ALKAL1: variants seen among roughly 807,000 people sequenced by gnomAD.
ALKAL1 encodes the protein ALK and LTK ligand 1.
ALKAL1 carries 23 observed loss-of-function variants against 13.5 expected under a neutral mutation model. That is an observed-to-expected ratio of 1.70 (90% CI 1.23 to 2.41). ALKAL1 has a LOEUF of 2.41. Among genes scored for constraint, ALKAL1 ranks in the 30% most tolerant of loss-of-function variants. ALKAL1 has a pLI of 0.00. For synonymous variants in ALKAL1, 85 were observed against 77.7 expected (o/e 1.09, Z -0.49); for missense variants, 181 against 178.4 (o/e 1.01, Z -0.08).
intron 2 of ALKAL1, 137 bp downstream of exon 2, chr8:52,542,255 T>C (rs1847321057): frequency 1.7e-6 from 1 of 593,332 alleles, no homozygotes; most frequent in Non-Finnish European, 3.0e-6. Flanking sequence ...CACAAGTTAG[T>C]AGCATCCGTC....
chr8:52,564,984 G>C, intron 1 of ALKAL1, 83 bp downstream of exon 1: 1 of 1,138,862 alleles, frequency 8.8e-7, no homozygotes. Context: ...GCTTCCCAAA[G>C]CGAGTGCCTC....
At chr8:52,556,443 C>T (rs1039922984) in intron 1 of ALKAL1, among the ~76,000 whole-genome samples, 5 of 151,548 alleles carry the variant, frequency 3.3e-5, no homozygotes, top group Admixed American at 2.0e-4. Flanking sequence ...GTCAGGAGAT[C>T]GAGACCATCC....
chr8:52,554,069 C>T (rs932421128), intron 1 of ALKAL1, among the ~76,000 whole-genome samples: 2 of 151,844 alleles, frequency 1.3e-5, no homozygotes. Flanking sequence ...ACTAAAAATA[C>T]AAAAATTAGC....
chr8:52,539,206 G>T lies in ALKAL1; in HGVS notation c.325+625C>A, dbSNP rs116626985. ...TAGTTAAAAAGAAACAAAATGCTTA[G>T]AATTCATGTTCTTTAAAAGGAAAGT... On this transcript the variant is annotated intron_variant, in intron 3 of 4. Transcript: ENST00000358543. 5.0e-3 allele frequency among the ~76,000 whole-genome samples: 759 copies of T among 152,238 alleles called. 12 individuals are homozygous for T. The highest frequency in any genetic ancestry group is 0.017 in the African/African-American group (715 of 41,544).
rs989990836 is a variant in ALKAL1, at chr8:52,565,277, G to C, written c.-21C>G. On this transcript the variant is annotated 5_prime_UTR_variant, in exon 1 of 5. Transcript: ENST00000358543. ...CGCATGTTCGCAAGCCGGGAGGAGAGAGCGGGAGACTCCGGGAGGATCCCG... is the reference window on the plus strand; with the variant it reads ...CGCATGTTCGCAAGCCGGGAGGAGACAGCGGGAGACTCCGGGAGGATCCCG... The C allele has an allele frequency of 7.7e-7, 1 of 1,300,852 alleles. No homozygotes were observed. The highest frequency in any genetic ancestry group is 9.8e-7 in the Non-Finnish European group (1 of 1,017,738). The allele number at this position is 1,300,852 out of a possible 1,614,324, so 80.6% of individuals were successfully genotyped here. A position where few individuals can be genotyped will look rare whatever the true frequency, so the allele number is the denominator to read the frequency against.
chr8:52,564,098 T>C (rs1344033444), intron 1 of ALKAL1, among the ~76,000 whole-genome samples: 1 of 152,196 alleles, frequency 6.6e-6, no homozygotes, highest in African/African-American at 2.4e-5. Context: ...GGAGCTGTGG[T>C]CCCACGGCCA....
At chr8:52,538,873 A>G (rs1020810233) in intron 3 of ALKAL1, among the ~76,000 whole-genome samples, 10 of 151,798 alleles carry the variant, frequency 6.6e-5, no homozygotes, top group African/African-American at 2.2e-4. Context: ...GTTTTGTTTT[A>G]TTTTATTTTA....
chr8:52,550,846 C>A (rs995387735), intron 1 of ALKAL1, among the ~76,000 whole-genome samples: 3 of 152,022 alleles, frequency 2.0e-5, no homozygotes, highest in Non-Finnish European at 2.9e-5. Context: ...TGAAAAAGGG[C>A]CAATTCTACT....
At chr8:52,540,305 C>T (rs535149789) in intron 2 of ALKAL1, among the ~76,000 whole-genome samples, 1 of 152,240 alleles carries the variant, frequency 6.6e-6, no homozygotes, top group Non-Finnish European at 1.5e-5. Flanking sequence ...TGTTTACATG[C>T]CAAGACATTT....
At chr8:52,545,835 C>A (rs1332671524) in intron 1 of ALKAL1, among the ~76,000 whole-genome samples, 1 of 152,218 alleles carries the variant, frequency 6.6e-6, no homozygotes, top group East Asian at 1.9e-4. Flanking sequence ...GGTTTACAGT[C>A]ATGTGCTGTT....
At chr8:52,555,029 G>C (rs951523147) in intron 1 of ALKAL1, among the ~76,000 whole-genome samples, 1 of 152,128 alleles carries the variant, frequency 6.6e-6, no homozygotes, top group Non-Finnish European at 1.5e-5. Context: ...AAATTAGCCA[G>C]GTGTGGTGGC....
At chr8:52,554,424 G>T (rs533483208) in intron 1 of ALKAL1, among the ~76,000 whole-genome samples, 1 of 152,220 alleles carries the variant, frequency 6.6e-6, no homozygotes, top group South Asian at 2.1e-4. Context: ...AAAGCAACTG[G>T]GAAACTCCAG....
At chr8:52,547,442 G>A (rs1179496455) in intron 1 of ALKAL1, among the ~76,000 whole-genome samples, 1 of 152,172 alleles carries the variant, frequency 6.6e-6, no homozygotes, top group Non-Finnish European at 1.5e-5. Flanking sequence ...GGAGGTTGTA[G>A]TGAGCCAAGA....
chr8:52,550,197 T>G (rs1462034824), intron 1 of ALKAL1, among the ~76,000 whole-genome samples: 1 of 152,210 alleles, frequency 6.6e-6, no homozygotes, highest in Non-Finnish European at 1.5e-5. Flanking sequence ...TAATGAGACC[T>G]AAATGCCATT....
intron 1 of ALKAL1, among the ~76,000 whole-genome samples, chr8:52,555,481 G>A (rs1202755115): frequency 6.6e-6 from 1 of 152,146 alleles, no homozygotes; most frequent in Non-Finnish European, 1.5e-5. Flanking sequence ...TTGAGATTCT[G>A]TAGCTGAGAT....
At position 52,549,499 on chromosome 8, in the gene ALKAL1, T is replaced by A. The variant is rs556115919; in HGVS notation, c.191-7054A>T. Among the ~76,000 whole-genome samples the A allele has an allele frequency of 8.6e-5, 13 of 151,480 alleles. No homozygotes were observed. The East Asian group carries it at 2.3e-3, about 27-fold the overall frequency. On this transcript the variant is annotated intron_variant, in intron 1 of 4. Coordinates refer to ENST00000358543, the MANE Select transcript of ALKAL1 (RefSeq NM_207413.4). ...GCTACTTCAACCTCTGCCTTCATCGTAACATGAAGTTCTCCTGTGTCTCTG... is the reference window on the plus strand; with the variant it reads ...GCTACTTCAACCTCTGCCTTCATCGAAACATGAAGTTCTCCTGTGTCTCTG...
chr8:52,553,748 C>A lies in ALKAL1; in HGVS notation c.191-11303G>T, dbSNP rs373662078. 1.1e-4 allele frequency among the ~76,000 whole-genome samples: 17 copies of A among 152,220 alleles called. No individual in the cohort carries two copies. The East Asian group carries it at 1.2e-3, about 10-fold the overall frequency. ...ACAAAATCATGTTATAAAGTAGATT[C>A]TTTTCTTGTTTTAAACCACAGAACA... On this transcript the variant is annotated intron_variant, in intron 1 of 4. Transcript: ENST00000358543.
intron 1 of ALKAL1, among the ~76,000 whole-genome samples, chr8:52,554,190 C>A (rs1176320667): frequency 6.6e-6 from 1 of 152,196 alleles, no homozygotes; most frequent in East Asian, 1.9e-4. Flanking sequence ...CACCATTGCA[C>A]TCCAGCCTGG....
chr8:52,543,558 C>T (rs1847335750), intron 1 of ALKAL1, among the ~76,000 whole-genome samples: 1 of 152,180 alleles, frequency 6.6e-6, no homozygotes, highest in African/African-American at 2.4e-5. Context: ...GAGATCGGAG[C>T]TCCCCCACCA....
Sources: gnomAD v4.1 joint callset for allele counts (sites outside exome capture counted in the v4.1 genomes callset) on GRCh38, gnomAD v4.1.1 for gene constraint, MANE v1.5 for transcripts, NCBI Gene and HGNC (gene_info 2026-07-23, HGNC 2026-07-21) for gene names.